Variants in NLRP12 observed in about 807,000 individuals in gnomAD.
NLRP12 encodes the protein NLR family pyrin domain containing 12, also known as NACHT, LRR and PYD domains-containing protein 12.
NLRP12 carries 108 observed loss-of-function variants against 91.2 expected under a neutral mutation model. The observed-to-expected ratio is 1.18, with a 90% confidence interval of 1.01 to 1.39. The LOEUF is 1.39. Among genes scored for constraint, NLRP12 ranks in the 40% most tolerant of loss-of-function variants. The pLI is 0.00. For synonymous variants in NLRP12, 613 were observed against 566.7 expected, an observed-to-expected ratio of 1.08 and a Z score of -1.16; for missense variants, 1,530 against 1,352.7, an observed-to-expected ratio of 1.13 and a Z score of -2.06.
At chr19:53,816,355 C>T (rs963466531) in intron 1 of NLRP12, among the ~76,000 whole-genome samples, 2 of 151,178 alleles carry the variant, frequency 1.3e-5, no homozygotes, top group Non-Finnish European at 2.9e-5. Context: ...GGCACCCCAC[C>T]CTCTTGTTAC....
chr19:53,816,448 G>A (rs979670328), intron 1 of NLRP12, among the ~76,000 whole-genome samples: 1 of 151,666 alleles, frequency 6.6e-6, no homozygotes, highest in African/African-American at 2.4e-5. Flanking sequence ...GTGAGTCTGT[G>A]TGACTAATAA....
intron 3 of NLRP12, 193 bp from the exon 4 acceptor site, chr19:53,807,858 C>T (rs1182475410): frequency 1.0e-5 from 6 of 598,598 alleles, no homozygotes; most frequent in Non-Finnish European, 1.8e-5. Context: ...TCAAGCGATT[C>T]TCCTGCCTCA....
Position 53,796,068 on chromosome 19 carries a change from G to A in NLRP12, c.2928-39C>T. 1.9e-6 allele frequency: 3 copies of A among 1,594,104 alleles called. 1 individual carries two copies. Among genetic ancestry groups the A allele is most frequent in the East Asian group, 4.5e-5 (2 of 44,760 alleles). On this transcript the variant is annotated intron_variant, in intron 8 of 9. Transcript: ENST00000324134. ...GGAGTTGGTTAAGGTAACACCAGGG[G>A]CTACTTATGTTATTCGGAGGCAGTG...
intron 1 of NLRP12, among the ~76,000 whole-genome samples, chr19:53,818,566 G>A (rs939989764): frequency 2.1e-4 from 30 of 140,642 alleles, no homozygotes; most frequent in African/African-American, 7.0e-4. Context: ...TCGGGAGGCT[G>A]AGGCAGGAGA....
intron 1 of NLRP12, among the ~76,000 whole-genome samples, chr19:53,822,332 G>T (rs2092273258): frequency 6.6e-6 from 1 of 152,058 alleles, no homozygotes; most frequent in African/African-American, 2.4e-5. Context: ...AAAGGGAATT[G>T]GTGGCCAGGC....
In NLRP12 at chr19:53,811,110, G is replaced by T. The variant is rs753676711; in HGVS notation, c.549C>A (p.His183Gln). 1 of 1,614,054 alleles carries T rather than the reference G, an allele frequency of 6.2e-7. No homozygotes were observed. Among genetic ancestry groups the T allele is most frequent in the Admixed American group, 1.7e-5 (1 of 59,986 alleles). ...TAGCCTGGTGTCCCACGGTCCTCGC[G>T]TGTCCCCGGCCTGTGTCCAGAAGCT... ...QQQLLDTGRG[H>Q]ARTVGHQASP... The change falls in exon 3 of 10, where the codon CAC (histidine) becomes CAA (glutamine). Residue 183 changes from histidine to glutamine, a missense_variant. His to Gln is a conservative substitution (Grantham distance 24, BLOSUM62 0). Coordinates refer to ENST00000324134, the MANE Select transcript of NLRP12 (RefSeq NM_144687.4).
intron 2 of NLRP12, among the ~76,000 whole-genome samples, chr19:53,812,808 T>C (rs1359189845): frequency 6.6e-6 from 1 of 152,022 alleles, no homozygotes; most frequent in Non-Finnish European, 1.5e-5. Context: ...ACATAAAATT[T>C]ACCATTTTAA....
rs1290715492 is a variant in NLRP12 at position 53,811,190 on chromosome 19, A to ACC, written c.467_468dup (p.Tyr157GlyfsTer8). The ACC allele has an allele frequency of 6.2e-7, 1 of 1,613,906 alleles. No individual in the cohort carries two copies. Among genetic ancestry groups the ACC allele is most frequent in the African/African-American group, 1.3e-5 (1 of 74,900 alleles). On this transcript the variant is annotated frameshift_variant, in exon 3 of 10. Transcript: ENST00000324134. LOFTEE classifies it high-confidence loss of function. ...TCCTTCACCAGCAGGAGCCGGGTGTACCGGTGGCTGAGGTTGACACATTCC... is the reference window on the plus strand; with the variant it reads ...TCCTTCACCAGCAGGAGCCGGGTGTACCCCGGTGGCTGAGGTTGACACATTCC...
At chr19:53,823,532 T>C (rs2092301182) in intron 1 of NLRP12, among the ~76,000 whole-genome samples, 1 of 139,836 alleles carries the variant, frequency 7.2e-6, no homozygotes, top group South Asian at 2.1e-4. Flanking sequence ...ATATTTTAAA[T>C]ATATATATTT....
chr19:53,823,451 T>TATATATTTTAAAAC lies in NLRP12; in HGVS notation c.289+434_289+435insGTTTTAAAATATAT, dbSNP rs2092295109. 2.4e-4 allele frequency among the ~76,000 whole-genome samples: 6 copies of TATATATTTTAAAAC among 25,332 alleles called. 1 individual carries two copies. The highest frequency in any genetic ancestry group is 6.8e-4 in the African/African-American group (5 of 7,374). The allele number at this position is 25,332 out of a possible 152,430, so 16.6% of individuals were successfully genotyped here. A position where few individuals can be genotyped will look rare whatever the true frequency, so the allele number is the denominator to read the frequency against. On this transcript the variant is annotated intron_variant, in intron 1 of 9. Transcript: ENST00000324134. ...ATATATTTAAAATATATGTTTTAAA[T>TATATATTTTAAAAC]ATATATTTTAAATATATATTTAAAA...
chr19:53,820,789 G>A (rs1374959628), intron 1 of NLRP12, among the ~76,000 whole-genome samples: 2 of 148,738 alleles, frequency 1.3e-5, no homozygotes, highest in Admixed American at 6.8e-5. Flanking sequence ...CCAGGTTCAC[G>A]CCATTCTCCT....
In NLRP12 at chr19:53,824,276, G is replaced by A. The variant is rs2092310548; in HGVS notation, c.-102C>T. The A allele has an allele frequency of 1.6e-6, 2 of 1,237,002 alleles. No individual in the cohort carries two copies. Among genetic ancestry groups the A allele is most frequent in the Admixed American group, 1.9e-5 (1 of 52,978 alleles). 76.6% of individuals were successfully genotyped at this position (1,237,002 alleles called of 1,614,324 possible). A position where few individuals can be genotyped will look rare whatever the true frequency, so the allele number is the denominator to read the frequency against. On this transcript the variant is annotated 5_prime_UTR_variant, in exon 1 of 10. Coordinates refer to ENST00000324134, the MANE Select transcript of NLRP12 (RefSeq NM_144687.4). The stretch of plus-strand genomic sequence containing the variant: ...CACACCTTCCATTGCATCATTCACA[G>A]GCAGCGGGCGGAGAGGCTGAGCCAG...
chr19:53,807,819 C>T (rs2091987169), intron 3 of NLRP12, 154 bp from the exon 4 acceptor site: 3 of 791,600 alleles, frequency 3.8e-6, no homozygotes, highest in Middle Eastern at 3.2e-4. Context: ...GGCGCAATCT[C>T]AGCTCACCAC....
At chr19:53,806,164 G>A (rs999491315) in intron 4 of NLRP12, among the ~76,000 whole-genome samples, 1 of 151,950 alleles carries the variant, frequency 6.6e-6, no homozygotes, top group Non-Finnish European at 1.5e-5. Flanking sequence ...AACTCAGGAG[G>A]CGGAGGTTGC....
At chr19:53,821,128 T>G (rs1210797424) in intron 1 of NLRP12, among the ~76,000 whole-genome samples, 1 of 143,352 alleles carries the variant, frequency 7.0e-6, no homozygotes, top group Non-Finnish European at 1.5e-5. Context: ...CTCCACCGCC[T>G]GGGTTCAAGT....
At chr19:53,809,198 C>G (rs2092011008) in intron 3 of NLRP12, among the ~76,000 whole-genome samples, 1 of 146,432 alleles carries the variant, frequency 6.8e-6, no homozygotes, top group African/African-American at 2.6e-5. Context: ...TGCACACCAG[C>G]CTAGGAGACC....
Position 53,812,455 on chromosome 19 carries a change from G to T in NLRP12, c.371-1167C>A, listed in dbSNP as rs2092091842. On this transcript the variant is annotated intron_variant, in intron 2 of 9. Coordinates refer to ENST00000324134, the MANE Select transcript of NLRP12 (RefSeq NM_144687.4). ...ATCTAGAACAATGTTCTTAATTGGG[G>T]TGACTGTGTCCCCTAGTTCCCCAGG... 2.6e-5 allele frequency among the ~76,000 whole-genome samples: 4 copies of T among 152,024 alleles called. No homozygotes were observed. In the South Asian group the frequency reaches 8.3e-4, roughly 32 times the overall value.
intron 6 of NLRP12, among the ~76,000 whole-genome samples, chr19:53,803,522 C>T (rs1316032654): frequency 6.6e-6 from 1 of 151,938 alleles, no homozygotes; most frequent in Non-Finnish European, 1.5e-5. Context: ...AACCTCTGCT[C>T]CCGTTAAACG....
In NLRP12 at chr19:53,793,769, T is replaced by G; in HGVS notation, c.*280A>C. ...CTGGCTAATTTTTTTTTATTTTTAG[T>G]AGAGACAGGGTTTCACCATCTTGGC... On this transcript the variant is annotated 3_prime_UTR_variant, in exon 10 of 10. Transcript: ENST00000324134. The G allele has an allele frequency of 4.0e-6, 2 of 503,844 alleles. No homozygotes were observed. Among genetic ancestry groups the G allele is most frequent in the Admixed American group, 6.5e-5 (2 of 30,924 alleles). 31.2% of individuals were successfully genotyped at this position (503,844 alleles called of 1,614,324 possible). A position where few individuals can be genotyped will look rare whatever the true frequency, so the allele number is the denominator to read the frequency against.
Sources: allele counts gnomAD v4.1 joint callset (sites outside exome capture counted in the v4.1 genomes callset), GRCh38; gene constraint gnomAD v4.1.1; transcripts MANE v1.5; gene names NCBI Gene and HGNC (gene_info 2026-07-23, HGNC 2026-07-21).